RUBCN: variants seen among roughly 807,000 people sequenced by gnomAD.
RUBCN encodes the protein rubicon autophagy regulator, also known as run domain Beclin-1-interacting and cysteine-rich domain-containing protein.
Under a neutral mutation model 113.2 loss-of-function variants are expected in RUBCN, and 74 were observed. The ratio of observed to expected loss-of-function variants is 0.65; its 90% CI spans 0.54 to 0.79. The LOEUF (loss-of-function observed/expected upper bound fraction) is 0.79, where lower values mean the gene tolerates loss of function less well. RUBCN is among the 30% of genes least tolerant of loss of function. The pLI is 0.00. For synonymous variants in RUBCN, 480 were observed against 490.0 expected, an observed-to-expected ratio of 0.98 and a Z score of 0.27; for missense variants, 1,109 against 1,251.7, an observed-to-expected ratio of 0.89 and a Z score of 1.72.
chr3:197,701,884 C>CA lies in RUBCN; in HGVS notation c.571-21dup. On this transcript the variant is annotated intron_variant, in intron 5 of 19. Transcript: ENST00000296343. ...GGCAAACTAAAAAGCAAAACAAAAC[C>CA]AAAAAATGTGTCAGAGTTAAGGACA... The CA allele has an allele frequency of 1.2e-6, 2 of 1,613,028 alleles. No individual in the cohort carries two copies. The highest frequency in any genetic ancestry group is 1.7e-6 in the Non-Finnish European group (2 of 1,179,468).
At chr3:197,704,991 G>A (rs1724127227) in intron 3 of RUBCN, 101 bp downstream of exon 3, 2 of 898,354 alleles carry the variant, frequency 2.2e-6, no homozygotes, top group Admixed American at 3.9e-5. Context: ...TAGGCAACTG[G>A]ACATATTCCC....
chr3:197,677,108 C>T, intron 17 of RUBCN, 70 bp from the exon 18 acceptor site: 1 of 1,514,092 alleles, frequency 6.6e-7, no homozygotes, highest in Admixed American at 1.7e-5. Flanking sequence ...AGAAGGATCC[C>T]TATCCAGAAA....
chr3:197,735,734 G>A (rs1250649011), intron 1 of RUBCN, among the ~76,000 whole-genome samples: 1 of 151,934 alleles, frequency 6.6e-6, no homozygotes, highest in African/African-American at 2.4e-5. Context: ...TGGCACCACA[G>A]GTGAGCACCA....
chr3:197,717,637 C>G, intron 2 of RUBCN, among the ~76,000 whole-genome samples: 1 of 152,150 alleles, frequency 6.6e-6, no homozygotes, highest in East Asian at 1.9e-4. Context: ...CCGTGAAACT[C>G]ATTTTGGACT....
intron 2 of RUBCN, among the ~76,000 whole-genome samples, chr3:197,713,803 G>A (rs1284865236): frequency 6.6e-6 from 1 of 151,932 alleles, no homozygotes; most frequent in African/African-American, 2.4e-5. Context: ...GGCCAGGCAC[G>A]GTGGCTCATG....
chr3:197,704,647 C>T lies in RUBCN; in HGVS notation c.358G>A (p.Ala120Thr), dbSNP rs1180825473. ...QSSADGASER[A>T]VAELWLQHSL... is the part of the protein sequence containing the mutation. ...TGCTGCAGCCACAGCTCGGCAACAG[C>T]ACGTTCACTGGCACCATCAGCACTG... Residue 120 changes from alanine (A) to threonine (T), a missense_variant, in exon 4 of 20, where the codon GCT becomes ACT. Coordinates refer to ENST00000296343, the MANE Select transcript of RUBCN (RefSeq NM_014687.4). 1 of 1,614,172 alleles carries T rather than the reference C, an allele frequency of 6.2e-7. No homozygotes were observed. The highest frequency in any genetic ancestry group is 1.3e-5 in the African/African-American group (1 of 75,046).
chr3:197,732,143 T>C (rs759319016), intron 1 of RUBCN, among the ~76,000 whole-genome samples: 2 of 152,222 alleles, frequency 1.3e-5, no homozygotes, highest in Non-Finnish European at 2.9e-5. Context: ...ATTCTGACTG[T>C]ACCTGGATCA....
In RUBCN at chr3:197,687,330, T is replaced by C. The variant is rs142056429; in HGVS notation, c.1787-3113A>G. ...AGGAACTGATTACCTTGACCTTGAATTGGATATAATTTTGAAACTTGTCAG... is the reference window on the plus strand; with the variant it reads ...AGGAACTGATTACCTTGACCTTGAACTGGATATAATTTTGAAACTTGTCAG... On this transcript the variant is annotated intron_variant, in intron 11 of 19. Transcript: ENST00000296343. Among the ~76,000 whole-genome samples, 372 of 152,374 alleles carry C rather than the reference T, an allele frequency of 2.4e-3. 1 individual carries two copies. Among genetic ancestry groups the C allele is most frequent in the African/African-American group, 8.3e-3 (347 of 41,584 alleles).
At chr3:197,684,600 A>C (rs1300601278) in intron 11 of RUBCN, among the ~76,000 whole-genome samples, 1 of 151,606 alleles carries the variant, frequency 6.6e-6, no homozygotes, top group Non-Finnish European at 1.5e-5. Flanking sequence ...CCACATCTTA[A>C]CCTTTCTCAA....
intron 1 of RUBCN, among the ~76,000 whole-genome samples, chr3:197,732,802 T>C (rs1727670702): frequency 6.6e-6 from 1 of 152,152 alleles, no homozygotes; most frequent in African/African-American, 2.4e-5. Flanking sequence ...TAGGTCCCAA[T>C]GTGTTCAACT....
In RUBCN at chr3:197,670,502, G is replaced by A. The variant is rs1719687958; in HGVS notation, c.*4516C>T. On this transcript the variant is annotated 3_prime_UTR_variant, in exon 20 of 20. Coordinates refer to ENST00000296343, the MANE Select transcript of RUBCN (RefSeq NM_014687.4). ...TCTAAGTTAAATGTTGAGAACAGAA[G>A]TTTGGGAACTTACTGGAAATCAAGC... Among the ~76,000 whole-genome samples the A allele has an allele frequency of 1.3e-5, 2 of 152,220 alleles. No individual in the cohort carries two copies. The highest frequency in any genetic ancestry group is 2.4e-5 in the African/African-American group (1 of 41,452).
rs2108912446 is a variant in RUBCN at position 197,703,557 on chromosome 3, A to G, written c.561T>C (p.Asp187=). 1 of 1,611,224 alleles carries G rather than the reference A, an allele frequency of 6.2e-7. No individual in the cohort carries two copies. The highest frequency in any genetic ancestry group is 8.5e-7 in the Non-Finnish European group (1 of 1,177,420). Residue 187 remains aspartate, a synonymous_variant, in exon 5 of 20, where the codon GAT becomes GAC. Coordinates refer to ENST00000296343, the MANE Select transcript of RUBCN (RefSeq NM_014687.4). ...TCCTTGTCCCCTGTACCATGGACGCATCGATCTGAGCCAGGAGGCGGGGGT... is the reference window on the plus strand; with the variant it reads ...TCCTTGTCCCCTGTACCATGGACGCGTCGATCTGAGCCAGGAGGCGGGGGT... ...QNNPRLLAQI[D]ASMFARKHES...
intron 2 of RUBCN, among the ~76,000 whole-genome samples, chr3:197,705,615 T>C (rs895900395): frequency 4.0e-5 from 6 of 148,594 alleles, no homozygotes; most frequent in Admixed American, 3.4e-4. Context: ...AAAGGAATAC[T>C]ACACTTGACA....
intron 2 of RUBCN, among the ~76,000 whole-genome samples, chr3:197,717,176 T>G (rs1486800270): frequency 6.6e-6 from 1 of 151,160 alleles, no homozygotes; most frequent in Non-Finnish European, 1.5e-5. Flanking sequence ...GGCTCACGCC[T>G]GTAATCCCAG....
Position 197,695,865 on chromosome 3 carries a change from C to T in RUBCN, c.1473+1G>A. On this transcript the variant is annotated splice_donor_variant, in intron 9 of 19. Coordinates refer to ENST00000296343, the MANE Select transcript of RUBCN (RefSeq NM_014687.4). LOFTEE classifies it high-confidence loss of function. ...TCTTCATGAGGCCCTCGATTTCCCA[C>T]CTTTTCCAGGTCGGCACAGCTGCCG... is the stretch of plus-strand genomic sequence containing the variant. 1 of 1,614,020 alleles carries T rather than the reference C, an allele frequency of 6.2e-7. No homozygotes were observed.
chr3:197,709,311 T>TCAC (rs1038187844), intron 2 of RUBCN, among the ~76,000 whole-genome samples: 2 of 151,918 alleles, frequency 1.3e-5, no homozygotes, highest in African/African-American at 4.8e-5. Context: ...ACCACCACCA[T>TCAC]CACCACCACC....
chr3:197,693,097 T>C (rs1383705156), intron 11 of RUBCN, among the ~76,000 whole-genome samples: 2 of 152,176 alleles, frequency 1.3e-5, no homozygotes, highest in African/African-American at 4.8e-5. Context: ...AAGAGATCTA[T>C]GATTTGCAGG....
At chr3:197,688,273 C>T (rs908275639) in intron 11 of RUBCN, among the ~76,000 whole-genome samples, 6 of 152,072 alleles carry the variant, frequency 3.9e-5, no homozygotes, top group African/African-American at 7.2e-5. Context: ...GTGATCTGCC[C>T]GCCTCGGCCT....
rs149689194 is a variant in RUBCN, at chr3:197,734,210, C to T, written c.65+2445G>A. On this transcript the variant is annotated intron_variant, in intron 1 of 19. Coordinates refer to ENST00000296343, the MANE Select transcript of RUBCN (RefSeq NM_014687.4). The stretch of plus-strand genomic sequence containing the variant: ...AGGCAGAGGTTGTAGTGAAGCAAGA[C>T]GGTGCCACTGCACTCCAGCCTTGGC... Among the ~76,000 whole-genome samples, 69 of 149,584 alleles carry T rather than the reference C, an allele frequency of 4.6e-4. No homozygotes were observed. In the East Asian group the frequency reaches 0.013, roughly 27 times the overall value.
Sources: gnomAD v4.1 joint callset for allele counts (sites outside exome capture counted in the v4.1 genomes callset) on GRCh38, gnomAD v4.1.1 for gene constraint, MANE v1.5 for transcripts, NCBI Gene and HGNC (gene_info 2026-07-23, HGNC 2026-07-21) for gene names.